The following GRM5 variants were observed in gnomAD, a reference collection of about 807,000 sequenced individuals.
GRM5 encodes glutamate metabotropic receptor 5, also known as metabotropic glutamate receptor 5.
In GRM5, 19 loss-of-function variants were observed where a neutral mutation model predicts 83.1. The ratio of observed to expected loss-of-function variants is 0.23; its 90% CI spans 0.16 to 0.34. GRM5 has a LOEUF of 0.34. GRM5 is among the 10% of genes least tolerant of loss of function. The pLI is 1.00. For missense variants in GRM5, 1,160 were observed against 1,588.3 expected, an observed-to-expected ratio of 0.73 and a Z score of 4.58; for synonymous variants, 675 against 633.6, an observed-to-expected ratio of 1.07 and a Z score of -0.98.
chr11:88,858,825 T>G (rs932976493), intron 2 of GRM5, among the ~76,000 whole-genome samples: 3 of 151,976 alleles, frequency 2.0e-5, no homozygotes, highest in Admixed American at 1.3e-4. Context: ...AAGTAGGAAA[T>G]TAAATAAGAA....
intron 5 of GRM5, among the ~76,000 whole-genome samples, chr11:88,598,421 T>G (rs997335141): frequency 6.6e-6 from 1 of 152,072 alleles, no homozygotes; most frequent in African/African-American, 2.4e-5. Context: ...TCACTCCCAG[T>G]CACATTTTTT....
chr11:88,824,082 A>G (rs1043007071), intron 3 of GRM5, among the ~76,000 whole-genome samples: 1 of 152,094 alleles, frequency 6.6e-6, no homozygotes, highest in Admixed American at 6.6e-5. Context: ...CTACTTGTCC[A>G]TTTTAAAATT....
chr11:88,621,363 AAC>A (rs1938629723), intron 4 of GRM5, among the ~76,000 whole-genome samples: 2 of 152,210 alleles, frequency 1.3e-5, no homozygotes, highest in African/African-American at 4.8e-5. Context: ...CATACGTTAA[AAC>A]ACAATCTAGT....
At chr11:88,509,626 G>A (rs1477167892) in intron 9 of GRM5, 122 bp from the exon 10 acceptor site, 3 of 655,954 alleles carry the variant, frequency 4.6e-6, no homozygotes, top group Non-Finnish European at 7.8e-6. Flanking sequence ...ATTCTTTCAG[G>A]AAACACAGCA....
intron 2 of GRM5, among the ~76,000 whole-genome samples, chr11:88,880,172 A>G (rs1379768278): frequency 6.6e-6 from 1 of 152,120 alleles, no homozygotes; most frequent in African/African-American, 2.4e-5. Context: ...TTTGATTGCC[A>G]ACAAAGAACG....
intron 2 of GRM5, among the ~76,000 whole-genome samples, chr11:88,988,895 G>A (rs1202691857): frequency 3.3e-4 from 47 of 142,594 alleles, no homozygotes; most frequent in Non-Finnish European, 5.2e-4. Flanking sequence ...GGTACCAGCC[G>A]CTGCAAAATC....
intron 1 of GRM5, among the ~76,000 whole-genome samples, chr11:89,064,078 G>T (rs1242917918): frequency 6.6e-6 from 1 of 152,072 alleles, no homozygotes; most frequent in African/African-American, 2.4e-5. Context: ...TTGTCTCAGG[G>T]GGAATATCCA....
rs557672675 is a variant in GRM5 at position 89,044,976 on chromosome 11, T to G, written c.661+2236A>C. ...CTTGTGAAAATTCCTACCATGCCAT[T>G]CTTGTACTGATAAATCATAAGACTT... On this transcript the variant is annotated intron_variant, in intron 2 of 9. Coordinates refer to ENST00000305447, the MANE Select transcript of GRM5 (RefSeq NM_001143831.3). Among the ~76,000 whole-genome samples the G allele has an allele frequency of 1.4e-4, 21 of 152,298 alleles. No individual in the cohort carries two copies. In the South Asian group the frequency reaches 4.1e-3, roughly 30 times the overall value.
rs868590103 is a variant in GRM5, at chr11:89,004,755, G to A, written c.661+42457C>T. Reference sequence around the variant, plus strand: ...TTTCCTCTTTCTGAAGCATTTCTGAGGAAGTCATTTGCAAGGTTGGTGAGA... The same window carrying A: ...TTTCCTCTTTCTGAAGCATTTCTGAAGAAGTCATTTGCAAGGTTGGTGAGA... On this transcript the variant is annotated intron_variant, in intron 2 of 9. Transcript: ENST00000305447. Among the ~76,000 whole-genome samples, 7 of 152,146 alleles carry A rather than the reference G, an allele frequency of 4.6e-5. No homozygotes were observed. The South Asian group carries it at 6.2e-4, about 13-fold the overall frequency.
intron 2 of GRM5, among the ~76,000 whole-genome samples, chr11:88,969,801 G>T (rs1939111585): frequency 6.6e-6 from 1 of 152,036 alleles, no homozygotes; most frequent in South Asian, 2.1e-4. Flanking sequence ...TTCGTGCACA[G>T]AAAGAAATTC....
chr11:89,040,387 A>AG (rs1413676496), intron 2 of GRM5, among the ~76,000 whole-genome samples: 1 of 152,226 alleles, frequency 6.6e-6, no homozygotes, highest in Non-Finnish European at 1.5e-5. Flanking sequence ...CTTCCAGATA[A>AG]AAAGAGATGA....
intron 2 of GRM5, among the ~76,000 whole-genome samples, chr11:88,987,861 C>A (rs983698862): frequency 6.6e-6 from 1 of 151,116 alleles, no homozygotes; most frequent in African/African-American, 2.5e-5. Context: ...CCCATCTGTA[C>A]ATCACCATCA....
intron 2 of GRM5, among the ~76,000 whole-genome samples, chr11:88,902,013 A>G (rs1036219511): frequency 7.2e-5 from 11 of 152,246 alleles, no homozygotes; most frequent in Admixed American, 2.0e-4. Flanking sequence ...TACATTTCTT[A>G]GCATGGCTAA....
At chr11:88,968,033 T>A (rs1402930388) in intron 2 of GRM5, among the ~76,000 whole-genome samples, 1 of 152,132 alleles carries the variant, frequency 6.6e-6, no homozygotes, top group African/African-American at 2.4e-5. Flanking sequence ...TGTCTATTGA[T>A]AGTGGAGCAA....
chr11:88,724,668 A>G (rs1941633595), intron 3 of GRM5, among the ~76,000 whole-genome samples: 1 of 152,156 alleles, frequency 6.6e-6, no homozygotes, highest in South Asian at 2.1e-4. Flanking sequence ...AGTGAGATCA[A>G]TGCAGGTGGG....
At chr11:88,776,016 A>C (rs780581553) in intron 3 of GRM5, among the ~76,000 whole-genome samples, 21 of 152,020 alleles carry the variant, frequency 1.4e-4, no homozygotes, top group Non-Finnish European at 2.8e-4. Flanking sequence ...TGTCTTGTTG[A>C]TCTGTCTAAT....
chr11:88,941,388 AAAGAGAAGAGGAG>A (rs144788766), intron 2 of GRM5, among the ~76,000 whole-genome samples: 68,264 of 142,716 alleles, frequency 0.48, 17,675 homozygotes, highest in South Asian at 0.64. Context: ...TGAGAGAGAG[AAAGAGAAGAGGAG>A]AAGAGAAGAG....
chr11:88,543,143 G>T (rs1207742117), intron 8 of GRM5, among the ~76,000 whole-genome samples: 1 of 152,186 alleles, frequency 6.6e-6, no homozygotes, highest in African/African-American at 2.4e-5. Context: ...AAATGCCGTG[G>T]TGTAATTTGA....
intron 2 of GRM5, among the ~76,000 whole-genome samples, chr11:89,034,853 T>C (rs549144063): frequency 3.4e-4 from 51 of 151,338 alleles, no homozygotes; most frequent in Middle Eastern, 6.8e-3. Flanking sequence ...TCCTTTTTTT[T>C]TTTTTTTTGG....
Sources: allele counts gnomAD v4.1 joint callset (sites outside exome capture counted in the v4.1 genomes callset), GRCh38; gene constraint gnomAD v4.1.1; transcripts MANE v1.5; gene names NCBI Gene and HGNC (gene_info 2026-07-23, HGNC 2026-07-21).